Variants in SOX6 observed in about 807,000 individuals in gnomAD.
SOX6 encodes the protein SRY-box transcription factor 6, also known as transcription factor SOX-6.
Under a neutral mutation model 97.8 loss-of-function variants are expected in SOX6, and 11 were observed. The ratio of observed to expected loss-of-function variants is 0.11; its 90% CI spans 0.07 to 0.19. The LOEUF (loss-of-function observed/expected upper bound fraction) is 0.19, where lower values mean the gene tolerates loss of function less well. SOX6 is among the 10% of genes least tolerant of loss of function. The pLI, the probability that SOX6 is intolerant of heterozygous loss-of-function variation, is 1.00. For missense variants in SOX6, 810 were observed against 1,039.5 expected, an observed-to-expected ratio of 0.78 and a Z score of 3.04; for synonymous variants, 360 against 371.4, an observed-to-expected ratio of 0.97 and a Z score of 0.35.
intron 1 of SOX6, among the ~76,000 whole-genome samples, chr11:16,398,055 G>C (rs948985410): frequency 4.0e-5 from 6 of 151,410 alleles, no homozygotes; most frequent in African/African-American, 7.3e-5. Flanking sequence ...GCAATTTTCT[G>C]CAAATGCAAT....
chr11:16,593,589 T>C (rs1848178420), intron 4 of SOX6, among the ~76,000 whole-genome samples: 1 of 152,198 alleles, frequency 6.6e-6, no homozygotes, highest in South Asian at 2.1e-4. Context: ...ATTATACCAT[T>C]TTCTTTCAAT....
chr11:16,476,770 T>A (rs1860258772), upstream of SOX6, among the ~76,000 whole-genome samples: 1 of 152,226 alleles, frequency 6.6e-6, no homozygotes, highest in East Asian at 1.9e-4. Flanking sequence ...ACAGAGAATA[T>A]CTTAAATGTG....
intron 12 of SOX6, among the ~76,000 whole-genome samples, chr11:16,018,211 A>G (rs577358246): frequency 6.6e-6 from 1 of 152,248 alleles, no homozygotes; most frequent in African/African-American, 2.4e-5. Context: ...ATCTTCACGT[A>G]TTATCAGAGT....
intron 2 of SOX6, among the ~76,000 whole-genome samples, chr11:16,724,143 AAG>A (rs1363882539): frequency 1.1e-4 from 17 of 152,334 alleles, no homozygotes; most frequent in African/African-American, 4.1e-4. Context: ...GTTGTCTTGA[AAG>A]AGGATAAGTC....
At chr11:16,158,839 A>G (rs1475430421) in intron 6 of SOX6, among the ~76,000 whole-genome samples, 1 of 151,260 alleles carries the variant, frequency 6.6e-6, no homozygotes, top group Non-Finnish European at 1.5e-5. Flanking sequence ...TAATTCTTGC[A>G]TTAGTCCTAT....
intron 4 of SOX6, among the ~76,000 whole-genome samples, chr11:16,536,982 A>C (rs969313639): frequency 6.6e-6 from 1 of 152,238 alleles, no homozygotes; most frequent in African/African-American, 2.4e-5. Flanking sequence ...AGCTCTGAGA[A>C]CAGACTGACT....
At chr11:16,496,531 C>G (rs1264738670) in intron 4 of SOX6, among the ~76,000 whole-genome samples, 1 of 152,198 alleles carries the variant, frequency 6.6e-6, no homozygotes, top group African/African-American at 2.4e-5. Context: ...ATCGCCTCAC[C>G]CGGGAAGTGC....
intron 12 of SOX6, among the ~76,000 whole-genome samples, chr11:16,035,017 A>C (rs988471992): frequency 2.0e-5 from 3 of 152,224 alleles, no homozygotes; most frequent in Non-Finnish European, 4.4e-5. Context: ...CACAAGGAAC[A>C]GACTCACAGA....
chr11:16,250,653 AAT>A (rs1853482966), intron 3 of SOX6, among the ~76,000 whole-genome samples: 1 of 151,436 alleles, frequency 6.6e-6, no homozygotes, highest in Non-Finnish European at 1.5e-5. Context: ...ATAACAGGAA[AAT>A]TCCAACAATC....
At position 16,045,994 on chromosome 11, in the gene SOX6, C is replaced by T. The variant is rs533405221; in HGVS notation, c.1623+520G>A. On this transcript the variant is annotated intron_variant, in intron 12 of 15. Transcript: ENST00000683767. Reference sequence around the variant, plus strand: ...GATTTGCTCACTGCTGTATCTCCAGCGCCTAGAACAGAGTCCATCATAGAA... The same window carrying T: ...GATTTGCTCACTGCTGTATCTCCAGTGCCTAGAACAGAGTCCATCATAGAA... 9.9e-5 allele frequency among the ~76,000 whole-genome samples: 15 copies of T among 152,244 alleles called. No individual in the cohort carries two copies. In the East Asian group the frequency reaches 2.3e-3, roughly 24 times the overall value.
At chr11:16,606,180 A>G (rs6486301) in intron 4 of SOX6, among the ~76,000 whole-genome samples, 148,228 of 151,392 alleles carry the variant, frequency 0.98, 72,657 homozygotes, top group East Asian at 1. Flanking sequence ...GGGGTAGGCT[A>G]GCTGCCTGCC....
At chr11:16,696,214 G>T (rs1848052518) in intron 3 of SOX6, among the ~76,000 whole-genome samples, 2 of 152,122 alleles carry the variant, frequency 1.3e-5, no homozygotes, top group Non-Finnish European at 2.9e-5. Flanking sequence ...ACAAATGGTG[G>T]TTCAACAAAT....
At chr11:16,196,885 G>C (rs1252040471) in intron 4 of SOX6, among the ~76,000 whole-genome samples, 1 of 140,722 alleles carries the variant, frequency 7.1e-6, no homozygotes, top group Non-Finnish European at 1.5e-5. Flanking sequence ...CCAGGCTGGA[G>C]TGCAGTGGTG....
chr11:16,732,864 T>C (rs1431482845), intron 2 of SOX6, among the ~76,000 whole-genome samples: 1 of 152,086 alleles, frequency 6.6e-6, no homozygotes, highest in Non-Finnish European at 1.5e-5. Flanking sequence ...ATATCCAGAA[T>C]CTGCACAGAA....
At chr11:16,589,664 A>G (rs112535579) in intron 4 of SOX6, among the ~76,000 whole-genome samples, 2,309 of 152,276 alleles carry the variant, frequency 0.015, 60 homozygotes, top group African/African-American at 0.053. Flanking sequence ...GCCAAAATTT[A>G]TTTAATCATC....
chr11:16,500,551 T>C (rs1440165441), intron 4 of SOX6, among the ~76,000 whole-genome samples: 4 of 152,210 alleles, frequency 2.6e-5, no homozygotes, highest in Admixed American at 2.6e-4. Flanking sequence ...TGATTGTATA[T>C]CTAGAAACCC....
Position 15,972,722 on chromosome 11 carries a change from C to T in SOX6, c.*87G>A, listed in dbSNP as rs1261897545. The T allele has an allele frequency of 1.1e-5, 15 of 1,397,616 alleles. No homozygotes were observed. The highest frequency in any genetic ancestry group is 1.4e-5 in the Non-Finnish European group (14 of 987,220). 86.6% of individuals were successfully genotyped at this position (1,397,616 alleles called of 1,614,324 possible). ...CATTCTGCTGATGTAATTGTGGAGCCACAAATGCATGCGGGCTCTTTAATA... is the reference window on the plus strand; with the variant it reads ...CATTCTGCTGATGTAATTGTGGAGCTACAAATGCATGCGGGCTCTTTAATA... On this transcript the variant is annotated 3_prime_UTR_variant, in exon 16 of 16. Transcript: ENST00000683767.
intron 1 of SOX6, among the ~76,000 whole-genome samples, chr11:16,469,216 A>G (rs1176168679): frequency 1.3e-5 from 2 of 152,150 alleles, no homozygotes; most frequent in African/African-American, 4.8e-5. Context: ...GTATTAACAA[A>G]CTTTTTAGAG....
chr11:16,189,690 T>C (rs1851578436), intron 4 of SOX6, among the ~76,000 whole-genome samples: 1 of 113,466 alleles, frequency 8.8e-6, no homozygotes, highest in Non-Finnish European at 1.9e-5. Context: ...GTGTGGTGAA[T>C]AGATTGGAAA....
Sources: allele counts gnomAD v4.1 joint callset (sites outside exome capture counted in the v4.1 genomes callset), GRCh38; gene constraint gnomAD v4.1.1; transcripts MANE v1.5; gene names NCBI Gene and HGNC (gene_info 2026-07-23, HGNC 2026-07-21).